UNC93A: variants seen among roughly 807,000 people sequenced by gnomAD.
UNC93A encodes the protein N-acetylglucosamine transporter UNC93A.
Under a neutral mutation model 47.5 loss-of-function variants are expected in UNC93A, and 43 were observed. The observed-to-expected ratio is 0.91, with a 90% confidence interval of 0.71 to 1.17. The LOEUF (loss-of-function observed/expected upper bound fraction) is 1.17, where lower values mean the gene tolerates loss of function less well. UNC93A is among the 50% of genes most tolerant of loss of function. The pLI is 0.00. For synonymous variants in UNC93A, 280 were observed against 258.0 expected, an observed-to-expected ratio of 1.09 and a Z score of -0.82; for missense variants, 605 against 577.6, an observed-to-expected ratio of 1.05 and a Z score of -0.49.
At chr6:167,305,300 C>G (rs1442759357) in intron 5 of UNC93A, among the ~76,000 whole-genome samples, 1 of 152,196 alleles carries the variant, frequency 6.6e-6, no homozygotes, top group Non-Finnish European at 1.5e-5. Flanking sequence ...AGAGTAGAAA[C>G]AGGATAACAG....
At position 167,304,110 on chromosome 6, in the gene UNC93A, T is replaced by C; in HGVS notation, c.817T>C (p.Phe273Leu). 6.2e-7 allele frequency: 1 copy of C among 1,614,214 alleles called. No homozygotes were observed. Among genetic ancestry groups the C allele is most frequent in the Non-Finnish European group, 8.5e-7 (1 of 1,180,048 alleles). Residue 273 changes from phenylalanine to leucine, a missense_variant, in exon 5 of 8, where the codon TTC (phenylalanine) becomes CTC (leucine). Coordinates refer to ENST00000230256, the MANE Select transcript of UNC93A (RefSeq NM_018974.4). The part of the protein sequence containing the change: ...LPLYSGLQQG[F>L]LSSEYTRSYV... ...GCTGTACAGTGGATTGCAGCAAGGA[T>C]TCCTCTCCAGCGAATACACAAGGGT... is the stretch of plus-strand genomic sequence containing the variant.
chr6:167,301,042 T>C (rs1778227699), intron 4 of UNC93A, among the ~76,000 whole-genome samples: 1 of 152,270 alleles, frequency 6.6e-6, no homozygotes, highest in Non-Finnish European at 1.5e-5. Context: ...CAAATGAGCA[T>C]GCCTGCATGC....
At chr6:167,288,478 A>G (rs1175032584), upstream of UNC93A, among the ~76,000 whole-genome samples, 1 of 136,240 alleles carries the variant, frequency 7.3e-6, no homozygotes, top group Non-Finnish European at 1.7e-5. Context: ...ACACACACAC[A>G]CACACACACA....
rs1778448715 is a variant in UNC93A, at chr6:167,307,925, C to T, written c.1108+15C>T. 5.0e-6 allele frequency: 8 copies of T among 1,612,852 alleles called. No individual in the cohort carries two copies. The highest frequency in any genetic ancestry group is 6.8e-6 in the Non-Finnish European group (8 of 1,179,382). On this transcript the variant is annotated intron_variant, in intron 7 of 7. Coordinates refer to ENST00000230256, the MANE Select transcript of UNC93A (RefSeq NM_018974.4). ...ACAAAACAATGGTGAGTCCCCAGCC[C>T]AGGCCCCTTCCTCTGTGGCAGCAGG...
At position 167,306,029 on chromosome 6, in the gene UNC93A, AG is replaced by A; in HGVS notation, c.958del (p.Ala320LeufsTer9). 6.2e-7 allele frequency: 1 copy of A among 1,614,222 alleles called. No homozygotes were observed. Among genetic ancestry groups the A allele is most frequent in the Non-Finnish European group, 8.5e-7 (1 of 1,180,042 alleles). On this transcript the variant is annotated frameshift_variant, in exon 6 of 8. Transcript: ENST00000230256. LOFTEE classifies it high-confidence loss of function. ...LYGKVSQYTG[R>X]AVLYVLGAVT... ...TGGAAAGGTCTCGCAGTACACGGGC[AG>A]GGCTGTGCTGTACGTGCTGGGTAGG...
chr6:167,301,952 G>C (rs939874660), intron 4 of UNC93A, among the ~76,000 whole-genome samples: 1 of 152,064 alleles, frequency 6.6e-6, no homozygotes, highest in Non-Finnish European at 1.5e-5. Context: ...GAAAATCAAG[G>C]GTGACCAAGA....
chr6:167,272,852 G>A (rs13191136), intron 1 of UNC93A, among the ~76,000 whole-genome samples: 54,609 of 151,968 alleles, frequency 0.36, 10,041 homozygotes, highest in South Asian at 0.42. Flanking sequence ...ACAGATCACA[G>A]ATGTTTCTTA....
intron 1 of UNC93A, among the ~76,000 whole-genome samples, chr6:167,282,526 A>G (rs1467873810): frequency 6.6e-6 from 1 of 152,150 alleles, no homozygotes; most frequent in East Asian, 1.9e-4. Flanking sequence ...GTTCACTTGA[A>G]AATGTTGACA....
intron 7 of UNC93A, among the ~76,000 whole-genome samples, chr6:167,308,827 C>T (rs918207520): frequency 5.9e-5 from 9 of 152,044 alleles, no homozygotes; most frequent in Admixed American, 5.9e-4. Context: ...AGGCAGGTGA[C>T]AAGGTCCAAG....
chr6:167,306,233 T>A (rs73039060), intron 6 of UNC93A, among the ~76,000 whole-genome samples, 183 bp downstream of exon 6: 10,185 of 152,216 alleles, frequency 0.067, 490 homozygotes, highest in African/African-American at 0.12. Flanking sequence ...AGGAATCAGA[T>A]CTCTCCCCAA....
intron 1 of UNC93A, among the ~76,000 whole-genome samples, chr6:167,278,854 A>G (rs1407857145): frequency 6.6e-6 from 1 of 152,174 alleles, no homozygotes; most frequent in Non-Finnish European, 1.5e-5. Flanking sequence ...TAACAGTTAC[A>G]GAATCATCTA....
At chr6:167,289,804 G>C (rs951894963), upstream of UNC93A, among the ~76,000 whole-genome samples, 2 of 151,582 alleles carry the variant, frequency 1.3e-5, no homozygotes, top group Non-Finnish European at 2.9e-5. Context: ...GTAAACTAAA[G>C]TGTTGCCAAA....
At chr6:167,295,928 A>G in intron 2 of UNC93A, 104 bp from the exon 3 acceptor site, 1 of 1,027,940 alleles carries the variant, frequency 9.7e-7, no homozygotes, top group South Asian at 1.5e-5. Flanking sequence ...GCAATGGGCC[A>G]GGCGGTGGTT....
intron 1 of UNC93A, 144 bp downstream of exon 1, chr6:167,291,720 A>G: frequency 1.3e-6 from 1 of 750,410 alleles, no homozygotes; most frequent in Non-Finnish European, 2.1e-6. Context: ...TCTAAAACAA[A>G]CAGTGGTTCT....
At chr6:167,274,815 G>T (rs947846836) in intron 1 of UNC93A, among the ~76,000 whole-genome samples, 11 of 152,114 alleles carry the variant, frequency 7.2e-5, no homozygotes, top group Non-Finnish European at 2.9e-5. Context: ...ATAATACAGA[G>T]TCAGCCCCCA....
Position 167,315,272 on chromosome 6 carries a change from C to T in UNC93A, c.1194C>T (p.Ala398=). The T allele has an allele frequency of 6.2e-7, 1 of 1,613,656 alleles. No homozygotes were observed. The highest frequency in any genetic ancestry group is 1.3e-5 in the African/African-American group (1 of 74,948). Residue 398 remains alanine (A), a synonymous_variant, in exon 8 of 8, where the codon GCC becomes GCT. Transcript: ENST00000230256. ...GGGAGGCCCTGGGCTTCGTCATTGC[C>T]TTCGGGTACAGCATGTTTTTGTGCG... is the stretch of plus-strand genomic sequence containing the variant. ...RLWEALGFVI[A]FGYSMFLCVH... is the part of the protein sequence containing the mutation.
At chr6:167,294,907 C>T (rs1778011123) in intron 2 of UNC93A, among the ~76,000 whole-genome samples, 2 of 152,084 alleles carry the variant, frequency 1.3e-5, no homozygotes, top group East Asian at 1.9e-4. Context: ...CCTCTGTGCC[C>T]CCCACTGCTT....
intron 4 of UNC93A, among the ~76,000 whole-genome samples, chr6:167,300,783 G>A (rs1778221250): frequency 6.6e-6 from 1 of 152,148 alleles, no homozygotes; most frequent in South Asian, 2.1e-4. Context: ...GGGACTCGGG[G>A]ACATTGAGCT....
At chr6:167,275,494 C>T (rs190278323) in intron 1 of UNC93A, among the ~76,000 whole-genome samples, 2 of 152,346 alleles carry the variant, frequency 1.3e-5, no homozygotes, top group East Asian at 3.9e-4. Flanking sequence ...AGCTCACCCA[C>T]CCCCAAGGGC....
Sources: gnomAD v4.1 joint callset for allele counts (sites outside exome capture counted in the v4.1 genomes callset) on GRCh38, gnomAD v4.1.1 for gene constraint, MANE v1.5 for transcripts, NCBI Gene and HGNC (gene_info 2026-07-23, HGNC 2026-07-21) for gene names.